Variants in CHRNB3 observed in about 807,000 individuals in gnomAD.
The protein encoded by CHRNB3 is neuronal acetylcholine receptor subunit beta-3.
A neutral mutation model predicts 40.6 loss-of-function variants in CHRNB3; 37 were observed. The observed-to-expected ratio is 0.91, with a 90% confidence interval of 0.70 to 1.20. The LOEUF (loss-of-function observed/expected upper bound fraction) is 1.20, where lower values mean the gene tolerates loss of function less well. Ranked by LOEUF, CHRNB3 falls within the 50% of genes most tolerant of loss-of-function variation. The pLI, the probability that CHRNB3 is intolerant of heterozygous loss-of-function variation, is 0.00. For synonymous variants in CHRNB3, 207 were observed against 207.1 expected (o/e 1.00, Z 0.00); for missense variants, 505 against 551.2 (o/e 0.92, Z 0.84).
At chr8:42,733,749 C>T (rs528467986) in intron 5 of CHRNB3, among the ~76,000 whole-genome samples, 28 of 151,462 alleles carry the variant, frequency 1.8e-4, no homozygotes, top group African/African-American at 6.8e-4. Flanking sequence ...CACACCACCA[C>T]ACCTGGCTAA....
At chr8:42,735,214 C>T (rs1055878332) in intron 5 of CHRNB3, among the ~76,000 whole-genome samples, 1 of 150,050 alleles carries the variant, frequency 6.7e-6, no homozygotes, top group Non-Finnish European at 1.5e-5. Flanking sequence ...AGCAAGACTC[C>T]GTCTCAAAAA....
rs115054084 is a variant in CHRNB3, at chr8:42,708,652, T to C, written c.53-65T>C. On this transcript the variant is annotated intron_variant, in intron 1 of 5. Transcript: ENST00000289957. ...CAGGAGGCCAAGGCCACAGGAGCCA[T>C]GGGACACTCATCCAGGCATCGTGCC... 2.1e-3 allele frequency: 3,208 copies of C among 1,552,194 alleles called. 60 individuals are homozygous for C. The African/African-American group carries it at 0.039, about 19-fold the overall frequency.
intron 5 of CHRNB3, 84 bp from the exon 6 acceptor site, chr8:42,736,400 T>C (rs1311111840): frequency 5.4e-6 from 8 of 1,488,366 alleles, no homozygotes; most frequent in Non-Finnish European, 7.4e-6. Context: ...TAAATCTGAA[T>C]GTTACTCTTT....
chr8:42,735,147 G>A (rs1161479117), intron 5 of CHRNB3, among the ~76,000 whole-genome samples: 1 of 151,972 alleles, frequency 6.6e-6, no homozygotes, highest in Non-Finnish European at 1.5e-5. Flanking sequence ...GTGAACCCGG[G>A]AGACGGAGCT....
intron 1 of CHRNB3, among the ~76,000 whole-genome samples, chr8:42,707,515 T>G (rs930883280): frequency 6.6e-6 from 1 of 152,234 alleles, no homozygotes; most frequent in Non-Finnish European, 1.5e-5. Context: ...GAATGGCCAC[T>G]GCACTCTAGC....
At position 42,717,303 on chromosome 8, in the gene CHRNB3, G is replaced by A. The variant is rs551679999; in HGVS notation, c.249+6869G>A. Among the ~76,000 whole-genome samples the A allele has an allele frequency of 2.2e-3, 277 of 124,362 alleles. 13 individuals are homozygous for A. The highest frequency in any genetic ancestry group is 8.5e-3 in the African/African-American group (268 of 31,500). 81.6% of individuals were successfully genotyped at this position (124,362 alleles called of 152,430 possible). A position where few individuals can be genotyped will look rare whatever the true frequency, so the allele number is the denominator to read the frequency against. On this transcript the variant is annotated intron_variant, in intron 3 of 5. Transcript: ENST00000289957. ...GCAGGAGAATGGCGTGAACCCGGGAGGCGGAGCTTGCAGTGAGCCGAGATC... is the reference window on the plus strand; with the variant it reads ...GCAGGAGAATGGCGTGAACCCGGGAAGCGGAGCTTGCAGTGAGCCGAGATC...
At position 42,732,407 on chromosome 8, in the gene CHRNB3, T is replaced by C. The variant is rs1416565500; in HGVS notation, c.1100T>C (p.Val367Ala). 1.1e-5 allele frequency: 17 copies of C among 1,614,010 alleles called. No homozygotes were observed. Among genetic ancestry groups the C allele is most frequent in the Admixed American group, 1.7e-5 (1 of 59,974 alleles). Residue 367 changes from valine to alanine, a missense_variant, in exon 5 of 6, where the codon GTA (valine) becomes GCA (alanine). Transcript: ENST00000289957. ...CCAGAGAAAGAGGAGAGTCAACCAG[T>C]AGTGAAAGGCAAAGTCCTCGAAAAA... is the stretch of plus-strand genomic sequence containing the variant. ...SSPEKEESQP[V>A]VKGKVLEKKK...
In CHRNB3 at chr8:42,708,735, C is replaced by T. The variant is rs1010014057; in HGVS notation, c.71C>T (p.Ser24Leu). The change falls in exon 2 of 6, where the codon TCA becomes TTA. Residue 24 changes from serine (S) to leucine (L), a missense_variant. Coordinates refer to ENST00000289957, the MANE Select transcript of CHRNB3 (RefSeq NM_000749.5). ...TTTACAGCCACCACAGGTTTCAACT[C>T]AATCGCCGAAAATGAAGATGCCCTC... ...IPSSATTGFN[S>L]IAENEDALLR... is the part of the protein sequence containing the mutation. 1 of 1,613,882 alleles carries T rather than the reference C, an allele frequency of 6.2e-7. No individual in the cohort carries two copies. Among genetic ancestry groups the T allele is most frequent in the Non-Finnish European group, 8.5e-7 (1 of 1,179,960 alleles).
Position 42,710,427 on chromosome 8 carries a change from T to C in CHRNB3, c.242T>C (p.Leu81Pro). The change falls in exon 3 of 6, where the codon CTC becomes CCC. Residue 81 changes from leucine to proline, a missense_variant. Coordinates refer to ENST00000289957, the MANE Select transcript of CHRNB3 (RefSeq NM_000749.5). Reference sequence around the variant, plus strand: ...CAGCTGATGACAACCAATGTGTGGCTCAAACAGGTAAATTTCAATCCAAGG... The same window carrying C: ...CAGCTGATGACAACCAATGTGTGGCCCAAACAGGTAAATTTCAATCCAAGG... ...KNQLMTTNVW[L>P]KQEWTDHKLR... 2 of 1,609,922 alleles carry C rather than the reference T, an allele frequency of 1.2e-6. No homozygotes were observed. The highest frequency in any genetic ancestry group is 1.7e-6 in the Non-Finnish European group (2 of 1,177,994).
intron 2 of CHRNB3, among the ~76,000 whole-genome samples, chr8:42,709,516 C>T (rs1460136742): frequency 1.3e-5 from 2 of 152,200 alleles, no homozygotes; most frequent in Non-Finnish European, 2.9e-5. Context: ...CCCTACTACA[C>T]ACATGTGCGC....
At chr8:42,720,403 C>A (rs76775005) in intron 3 of CHRNB3, among the ~76,000 whole-genome samples, 2,158 of 152,066 alleles carry the variant, frequency 0.014, 56 homozygotes, top group African/African-American at 0.049. Context: ...CATGAGCCAC[C>A]GCGCCCAGCC....
chr8:42,731,414 G>A (rs1816415822), intron 4 of CHRNB3, among the ~76,000 whole-genome samples: 1 of 151,996 alleles, frequency 6.6e-6, no homozygotes, highest in African/African-American at 2.4e-5. Context: ...ACTTAGCTGC[G>A]CATGGTGGCC....
Position 42,697,482 on chromosome 8 carries a change from C to T in CHRNB3, c.-65C>T. ...CCCTGTATTTTCTTTTCAAAACCCC[C>T]TTTTCCAGTGGAAATGCTCTGTTGT... On this transcript the variant is annotated 5_prime_UTR_variant, in exon 1 of 6. Transcript: ENST00000289957. The T allele has an allele frequency of 6.9e-7, 1 of 1,441,460 alleles. No homozygotes were observed. The highest frequency in any genetic ancestry group is 9.8e-7 in the Non-Finnish European group (1 of 1,024,460). The allele number at this position is 1,441,460 out of a possible 1,614,324, so 89.3% of individuals were successfully genotyped here. A position where few individuals can be genotyped will look rare whatever the true frequency, so the allele number is the denominator to read the frequency against.
chr8:42,712,965 G>A (rs1816043345), intron 3 of CHRNB3, among the ~76,000 whole-genome samples: 1 of 149,602 alleles, frequency 6.7e-6, no homozygotes, highest in South Asian at 2.1e-4. Flanking sequence ...GGGTTCAAGA[G>A]ATTCTTCTGC....
chr8:42,716,202 C>T (rs576929670), intron 3 of CHRNB3, among the ~76,000 whole-genome samples: 28 of 152,230 alleles, frequency 1.8e-4, no homozygotes, highest in African/African-American at 6.7e-4. Context: ...GCCTCGAACT[C>T]CTGACTTCAG....
chr8:42,721,280 T>A (rs1047079100), intron 3 of CHRNB3, among the ~76,000 whole-genome samples: 4 of 152,280 alleles, frequency 2.6e-5, no homozygotes, highest in African/African-American at 9.6e-5. Flanking sequence ...AGGGCTGGCT[T>A]TACCTGCAGC....
In CHRNB3 at chr8:42,731,723, G is replaced by A. The variant is rs900331287; in HGVS notation, c.416G>A (p.Gly139Glu). ...LMTKVIVKSN[G>E]TVVWTPPASY... ...ACCAAGGTCATCGTGAAATCAAACG[G>A]AACTGTTGTCTGGACCCCTCCCGCC... is the stretch of plus-strand genomic sequence containing the variant. Residue 139 changes from glycine to glutamate, a missense_variant, in exon 5 of 6, where the codon GGA (glycine) becomes GAA (glutamate). Gly to Glu is a moderately conservative substitution (Grantham distance 98, BLOSUM62 -2). Transcript: ENST00000289957. The A allele has an allele frequency of 2.5e-6, 4 of 1,613,884 alleles. No individual in the cohort carries two copies. The African/African-American group carries it at 5.3e-5, about 22-fold the overall frequency.
chr8:42,722,561 G>A (rs116722555), intron 3 of CHRNB3, among the ~76,000 whole-genome samples: 3,816 of 152,000 alleles, frequency 0.025, 171 homozygotes, highest in African/African-American at 0.087. Flanking sequence ...TTTTATTCAT[G>A]TATTTACTTA....
At chr8:42,720,415 T>C (rs1816202469) in intron 3 of CHRNB3, among the ~76,000 whole-genome samples, 1 of 152,008 alleles carries the variant, frequency 6.6e-6, no homozygotes, top group Admixed American at 6.6e-5. Flanking sequence ...CGCCCAGCCC[T>C]CAGACTGCTT....
Sources: allele counts gnomAD v4.1 joint callset (sites outside exome capture counted in the v4.1 genomes callset), GRCh38; gene constraint gnomAD v4.1.1; transcripts MANE v1.5; gene names NCBI Gene and HGNC (gene_info 2026-07-23, HGNC 2026-07-21).